The following LRP1B variants were observed in gnomAD, a reference collection of about 807,000 sequenced individuals.
The protein encoded by LRP1B is LDL receptor related protein 1B.
Under a neutral mutation model 556.6 loss-of-function variants are expected in LRP1B, and 217 were observed. The observed-to-expected ratio is 0.39, with a 90% CI of 0.35 to 0.44. LRP1B has a LOEUF of 0.44. Ranked by LOEUF, LRP1B falls within the 20% of genes least tolerant of loss-of-function variation. The pLI is 1.00. For missense variants in LRP1B, 5,053 were observed against 5,620.8 expected (o/e 0.90, Z 3.23); for synonymous variants, 2,047 against 1,865.8 (o/e 1.10, Z -2.50).
intron 2 of LRP1B, among the ~76,000 whole-genome samples, chr2:141,794,979 G>A (rs985958797): frequency 9.9e-5 from 15 of 152,116 alleles, no homozygotes; most frequent in South Asian, 2.1e-4. Context: ...GATTTGCCTC[G>A]TGGTGAAAAT....
At chr2:141,184,310 T>C (rs573637544) in intron 7 of LRP1B, among the ~76,000 whole-genome samples, 4 of 152,138 alleles carry the variant, frequency 2.6e-5, no homozygotes, top group African/African-American at 9.6e-5. Flanking sequence ...ACCCAAAATC[T>C]GGCACCTTGG....
chr2:140,969,777 C>T (rs543129879), intron 18 of LRP1B, among the ~76,000 whole-genome samples: 1 of 152,222 alleles, frequency 6.6e-6, no homozygotes, highest in Admixed American at 6.5e-5. Context: ...TTCTCCTTCA[C>T]TTATGAAGCT....
intron 2 of LRP1B, among the ~76,000 whole-genome samples, chr2:141,791,571 T>C (rs1232975327): frequency 6.6e-6 from 1 of 152,078 alleles, no homozygotes; most frequent in East Asian, 1.9e-4. Context: ...ATATTTGCAA[T>C]TGTTCCTTTA....
At chr2:141,701,362 G>T (rs1025436426) in intron 2 of LRP1B, among the ~76,000 whole-genome samples, 13 of 151,630 alleles carry the variant, frequency 8.6e-5, no homozygotes, top group African/African-American at 3.1e-4. Context: ...TCCTGGTGTG[G>T]CATGCTTTAC....
intron 2 of LRP1B, among the ~76,000 whole-genome samples, chr2:141,737,481 C>G (rs945258707): frequency 1.3e-5 from 2 of 152,134 alleles, no homozygotes; most frequent in Non-Finnish European, 2.9e-5. Flanking sequence ...CATCAGGAGA[C>G]TGGAGGAGGC....
intron 67 of LRP1B, among the ~76,000 whole-genome samples, chr2:140,385,257 T>C (rs948148966): frequency 1.3e-5 from 2 of 152,048 alleles, no homozygotes; most frequent in Non-Finnish European, 2.9e-5. Flanking sequence ...AAAATACATA[T>C]ATATATTCTG....
intron 35 of LRP1B, among the ~76,000 whole-genome samples, chr2:140,744,823 C>A (rs989162381): frequency 1.6e-4 from 25 of 152,106 alleles, no homozygotes; most frequent in African/African-American, 5.3e-4. Flanking sequence ...TGTTACCCAG[C>A]TTTTCCTCTA....
chr2:141,384,075 C>T (rs1457677994), intron 3 of LRP1B, among the ~76,000 whole-genome samples: 6 of 152,084 alleles, frequency 3.9e-5, no homozygotes, highest in South Asian at 2.1e-4. Flanking sequence ...AATCCTTTTA[C>T]GATGTCATCA....
chr2:140,880,207 G>A (rs1235568165), intron 25 of LRP1B, among the ~76,000 whole-genome samples: 1 of 152,052 alleles, frequency 6.6e-6, no homozygotes, highest in Non-Finnish European at 1.5e-5. Context: ...CTAAATACTA[G>A]CTTTAGCAAT....
At chr2:141,230,572 C>T (rs977258484) in intron 5 of LRP1B, among the ~76,000 whole-genome samples, 1 of 152,174 alleles carries the variant, frequency 6.6e-6, no homozygotes, top group African/African-American at 2.4e-5. Flanking sequence ...CTATTAAACT[C>T]TACCTGATCT....
intron 41 of LRP1B, among the ~76,000 whole-genome samples, chr2:140,691,900 T>G (rs1052866935): frequency 6.6e-6 from 1 of 152,216 alleles, no homozygotes; most frequent in Non-Finnish European, 1.5e-5. Flanking sequence ...CTTACCATTT[T>G]GCTATAAATG....
intron 84 of LRP1B, among the ~76,000 whole-genome samples, chr2:140,295,342 C>T (rs115497048): frequency 1.8e-3 from 279 of 152,226 alleles, no homozygotes; most frequent in Middle Eastern, 6.8e-3. Flanking sequence ...GAAAGGCTAG[C>T]CTAATATGAT....
intron 1 of LRP1B, among the ~76,000 whole-genome samples, chr2:142,078,779 G>A (rs1224738594): frequency 2.6e-5 from 4 of 152,056 alleles, no homozygotes; most frequent in Admixed American, 6.6e-5. Context: ...CACATAATAG[G>A]AATGTAATAA....
At chr2:140,359,069 T>G in intron 72 of LRP1B, 123 bp from the exon 73 acceptor site, 1 of 927,340 alleles carries the variant, frequency 1.1e-6, no homozygotes, top group Admixed American at 3.0e-5. Flanking sequence ...ATCTTTTTTG[T>G]TGTGACAATT....
At chr2:141,115,393 C>T (rs1700861943) in intron 7 of LRP1B, among the ~76,000 whole-genome samples, 2 of 151,934 alleles carry the variant, frequency 1.3e-5, no homozygotes, top group African/African-American at 4.8e-5. Flanking sequence ...GCAGGCTCAT[C>T]CCATTCCAAG....
At chr2:142,099,348 T>C (rs1304373899) in intron 1 of LRP1B, among the ~76,000 whole-genome samples, 1 of 151,846 alleles carries the variant, frequency 6.6e-6, no homozygotes, top group Non-Finnish European at 1.5e-5. Context: ...CAGGAGGCAA[T>C]AAATTTTCAA....
rs770246483 is a variant in LRP1B at position 142,066,029 on chromosome 2, G to T, written c.82+64619C>A. Among the ~76,000 whole-genome samples, 119 of 151,232 alleles carry T rather than the reference G, an allele frequency of 7.9e-4. 2 individuals carry two copies. The highest frequency in any genetic ancestry group is 6.1e-4 in the Non-Finnish European group (41 of 67,570). On this transcript the variant is annotated intron_variant, in intron 1 of 90. Transcript: ENST00000389484. ...ACAGGATAACAATTATAGATATTCT[G>T]GTTCCAAAAAGTGTGAAATGAAAGG...
At chr2:141,987,562 TTCTTTC>T (rs1702230239) in intron 1 of LRP1B, among the ~76,000 whole-genome samples, 2 of 146,778 alleles carry the variant, frequency 1.4e-5, no homozygotes, top group African/African-American at 2.5e-5. Flanking sequence ...TTTTTTTTTT[TTCTTTC>T]TTTTTTCTTT....
At chr2:140,809,730 G>T (rs1424923961) in intron 32 of LRP1B, among the ~76,000 whole-genome samples, 1 of 152,180 alleles carries the variant, frequency 6.6e-6, no homozygotes, top group Non-Finnish European at 1.5e-5. Flanking sequence ...TCTGGGAGCA[G>T]CCATGTGGGT....
Sources: allele counts gnomAD v4.1 joint callset (sites outside exome capture counted in the v4.1 genomes callset), GRCh38; gene constraint gnomAD v4.1.1; transcripts MANE v1.5; gene names NCBI Gene and HGNC (gene_info 2026-07-23, HGNC 2026-07-21).